The following SMIM45 variants were observed in gnomAD, a reference collection of about 807,000 sequenced individuals.
SMIM45 encodes the protein small integral membrane protein 45.
At chr22:41,955,161 G>A in the SMIM45 span, among the ~76,000 whole-genome samples, 1 of 150,910 alleles carries the variant, frequency 6.6e-6, no homozygotes, top group African/African-American at 2.5e-5. Flanking sequence ...AGGCAGAATG[G>A]TGCAAAATGC....
chr22:41,950,907 G>A, the SMIM45 span, among the ~76,000 whole-genome samples: 13 of 152,294 alleles, frequency 8.5e-5, no homozygotes, highest in Admixed American at 5.9e-4. Context: ...CAGGGGAATC[G>A]CTTGAACCCG....
At chr22:41,955,674 C>T in the SMIM45 span, among the ~76,000 whole-genome samples, 4 of 151,914 alleles carry the variant, frequency 2.6e-5, no homozygotes, top group Admixed American at 6.6e-5. Context: ...GGTGCAGTGG[C>T]GGTCACCTGC....
the SMIM45 span, chr22:41,947,008 G>C: frequency 6.8e-6 from 11 of 1,612,328 alleles, no homozygotes; most frequent in Admixed American, 1.7e-4. Flanking sequence ...AAGCAGGGCC[G>C]CCTGCACCTA....
the SMIM45 span, chr22:41,947,072 G>A: frequency 6.2e-7 from 1 of 1,612,828 alleles, no homozygotes; most frequent in African/African-American, 1.3e-5. Flanking sequence ...CCTCAACACC[G>A]ACATCACAGC....
chr22:41,958,296 G>A, the SMIM45 span: 1 of 456,688 alleles, frequency 2.2e-6, no homozygotes, highest in Non-Finnish European at 4.4e-6. Context: ...TCCACTCAAT[G>A]GCACCGGCCC....
the SMIM45 span, among the ~76,000 whole-genome samples, chr22:41,950,471 G>A: frequency 0.23 from 34,966 of 151,974 alleles, 4,346 homozygotes; most frequent in African/African-American, 0.3. Flanking sequence ...GCTGAGGCAG[G>A]AGGATAGCTT....
chr22:41,948,039 G>C, the SMIM45 span, among the ~76,000 whole-genome samples: 319 of 152,274 alleles, frequency 2.1e-3, 2 homozygotes, highest in South Asian at 4.6e-3. Flanking sequence ...CCTGAGTACA[G>C]AGCTGTCAGG....
At chr22:41,956,981 A>G in the SMIM45 span, among the ~76,000 whole-genome samples, 2 of 152,030 alleles carry the variant, frequency 1.3e-5, no homozygotes. Flanking sequence ...GGGTTTCACC[A>G]TATTGGCCAG....
the SMIM45 span, among the ~76,000 whole-genome samples, chr22:41,950,822 C>T: frequency 2.0e-5 from 3 of 152,152 alleles, no homozygotes; most frequent in Admixed American, 6.5e-5. Context: ...CGTAAACCCG[C>T]CTCTACTAAA....
chr22:41,951,090 G>A, the SMIM45 span, among the ~76,000 whole-genome samples: 2 of 152,262 alleles, frequency 1.3e-5, no homozygotes, highest in Non-Finnish European at 2.9e-5. Context: ...TGGCGCAGAG[G>A]TGTCTGTGGT....
the SMIM45 span, among the ~76,000 whole-genome samples, chr22:41,957,150 C>T: frequency 6.9e-6 from 1 of 144,618 alleles, no homozygotes; most frequent in African/African-American, 2.6e-5. Flanking sequence ...TGCTTGCCCA[C>T]GAGGCCTGGG....
chr22:41,955,377 C>T, the SMIM45 span, among the ~76,000 whole-genome samples: 971 of 152,142 alleles, frequency 6.4e-3, 4 homozygotes, highest in Middle Eastern at 0.031. Flanking sequence ...CAGGGTTTCA[C>T]CATGTTGGTC....
the SMIM45 span, chr22:41,958,617 CTG>C: frequency 2.9e-6 from 1 of 350,238 alleles, no homozygotes; most frequent in Non-Finnish European, 5.7e-6. Flanking sequence ...ACTCCGTGGG[CTG>C]TGTGAGGACT....
the SMIM45 span, among the ~76,000 whole-genome samples, chr22:41,948,087 G>A: frequency 2.6e-5 from 4 of 152,096 alleles, no homozygotes; most frequent in Admixed American, 6.5e-5. Context: ...GAACATGCAG[G>A]GACGCTCAGG....
At chr22:41,952,189 T>G in the SMIM45 span, 1 of 152,548 alleles carries the variant, frequency 6.6e-6, no homozygotes, top group South Asian at 2.1e-4. Context: ...GCTGAGCCAG[T>G]CCAGGACTGC....
chr22:41,948,917 T>C, the SMIM45 span, among the ~76,000 whole-genome samples: 2 of 152,066 alleles, frequency 1.3e-5, no homozygotes, highest in South Asian at 2.1e-4. Context: ...AATACAAAAT[T>C]AGCTGGGCGT....
the SMIM45 span, among the ~76,000 whole-genome samples, chr22:41,948,840 A>T: frequency 1.3e-5 from 2 of 152,164 alleles, no homozygotes; most frequent in Admixed American, 6.5e-5. Context: ...AGGCGGGCGG[A>T]TCACCTGACA....
At chr22:41,947,071 C>G in the SMIM45 span, 6 of 1,612,866 alleles carry the variant, frequency 3.7e-6, no homozygotes, top group African/African-American at 4.0e-5. Flanking sequence ...GCCTCAACAC[C>G]GACATCACAG....
chr22:41,949,708 C>G, the SMIM45 span, among the ~76,000 whole-genome samples: 8,730 of 152,218 alleles, frequency 0.057, 790 homozygotes, highest in African/African-American at 0.19. Context: ...CAGGGAGTTA[C>G]CACTTGTAAC....
Sources: allele counts gnomAD v4.1 joint callset (sites outside exome capture counted in the v4.1 genomes callset), GRCh38; gene constraint gnomAD v4.1.1; transcripts MANE v1.5; gene names NCBI Gene and HGNC (gene_info 2026-07-23, HGNC 2026-07-21).